Variants in DAB1 observed in about 807,000 individuals in gnomAD.
DAB1 encodes the protein disabled homolog 1.
DAB1 carries 15 observed loss-of-function variants against 64.6 expected under a neutral mutation model. That is an observed-to-expected ratio of 0.23 (90% confidence interval 0.16 to 0.36). The LOEUF is 0.36. Among genes scored for constraint, DAB1 ranks in the 10% least tolerant of loss-of-function variants. DAB1 has a pLI of 1.00. For missense variants in DAB1, 596 were observed against 706.7 expected (o/e 0.84, Z 1.78); for synonymous variants, 235 against 251.9 (o/e 0.93, Z 0.64).
intron 6 of DAB1, among the ~76,000 whole-genome samples, chr1:57,756,974 T>G (rs576610147): frequency 1.3e-5 from 2 of 152,288 alleles, no homozygotes; most frequent in East Asian, 3.9e-4. Flanking sequence ...AGAAGCCTGT[T>G]GCAATAGCAC....
chr1:57,861,360 A>G (rs1237457679), intron 1 of DAB1, among the ~76,000 whole-genome samples: 1 of 152,224 alleles, frequency 6.6e-6, no homozygotes, highest in African/African-American at 2.4e-5. Context: ...TCAGATTCTG[A>G]TGAGGGCCCT....
At chr1:57,669,571 T>G (rs1420508493) in intron 6 of DAB1, among the ~76,000 whole-genome samples, 1 of 152,156 alleles carries the variant, frequency 6.6e-6, no homozygotes, top group Non-Finnish European at 1.5e-5. Context: ...TATGTGAACC[T>G]CACAGCAGGA....
intron 5 of DAB1, among the ~76,000 whole-genome samples, chr1:57,908,528 T>C (rs917732514): frequency 3.9e-5 from 6 of 152,120 alleles, no homozygotes; most frequent in Non-Finnish European, 7.3e-5. Flanking sequence ...CTGACACTAA[T>C]TAGTGGCTTA....
chr1:57,606,400 T>C (rs1420725046), intron 7 of DAB1, among the ~76,000 whole-genome samples: 1 of 115,004 alleles, frequency 8.7e-6, no homozygotes, highest in Non-Finnish European at 1.8e-5. Flanking sequence ...ATACACATTA[T>C]ATTATATATA....
intron 7 of DAB1, among the ~76,000 whole-genome samples, chr1:57,597,072 G>C (rs560543681): frequency 6.6e-6 from 1 of 152,080 alleles, no homozygotes; most frequent in African/African-American, 2.4e-5. Flanking sequence ...CACATCATTC[G>C]CACCAACACC....
chr1:57,984,236 GAAAGAAAGAAAGAAAGAAAGAAAGAAAA>G (rs1557595067), intron 5 of DAB1, among the ~76,000 whole-genome samples: 8 of 146,776 alleles, frequency 5.5e-5, no homozygotes, highest in Non-Finnish European at 1.2e-4. Context: ...AAGAAAGAAA[GAAAGAAAGAAAGAAAGAAAGAAAGAAAA>G]AAAATTAAAC....
intron 4 of DAB1, among the ~76,000 whole-genome samples, chr1:58,247,911 C>G (rs1321104037): frequency 1.3e-5 from 2 of 151,976 alleles, no homozygotes; most frequent in Admixed American, 1.3e-4. Flanking sequence ...CCCCTACCCA[C>G]TCCTTCCTTT....
intron 4 of DAB1, among the ~76,000 whole-genome samples, chr1:57,106,486 T>A (rs1655169754): frequency 6.6e-6 from 1 of 152,126 alleles, no homozygotes; most frequent in Non-Finnish European, 1.5e-5. Flanking sequence ...ATCTTTGATG[T>A]ATGTGGGTCT....
At chr1:58,427,616 G>A (rs1038956305) in intron 3 of DAB1, among the ~76,000 whole-genome samples, 7 of 152,184 alleles carry the variant, frequency 4.6e-5, no homozygotes, top group African/African-American at 1.4e-4. Flanking sequence ...AAAAGAAAAG[G>A]AGAGCCAAGG....
upstream of DAB1, among the ~76,000 whole-genome samples, chr1:57,885,248 C>G (rs943512151): frequency 8.5e-5 from 13 of 152,058 alleles, no homozygotes; most frequent in African/African-American, 3.1e-4. Flanking sequence ...TAACAGCAAA[C>G]CACTGATGTA....
intron 3 of DAB1, among the ~76,000 whole-genome samples, chr1:58,396,242 A>G (rs1644521075): frequency 6.6e-6 from 1 of 152,112 alleles, no homozygotes; most frequent in Non-Finnish European, 1.5e-5. Flanking sequence ...GAGGCCAGCC[A>G]TTCCCAGGGG....
intron 7 of DAB1, among the ~76,000 whole-genome samples, chr1:57,461,314 G>A (rs1570541670): frequency 6.6e-6 from 1 of 152,126 alleles, no homozygotes; most frequent in Admixed American, 6.5e-5. Context: ...CATACATTTG[G>A]TGATGCTCCG....
intron 4 of DAB1, among the ~76,000 whole-genome samples, chr1:57,081,450 C>T (rs1170531664): frequency 1.3e-5 from 2 of 152,096 alleles, no homozygotes; most frequent in Non-Finnish European, 2.9e-5. Context: ...GGAAACACTT[C>T]GAAATCAAGT....
rs59263518 is a variant in DAB1 at position 57,553,442 on chromosome 1, G to GAAAGAAAAAGAAAGAAAGAAAGAA, written n.625+96149_625+96150insTTCTTTCTTTCTTTCTTTTTCTTT. Among the ~76,000 whole-genome samples, 5 of 68,188 alleles carry GAAAGAAAAAGAAAGAAAGAAAGAA rather than the reference G, an allele frequency of 7.3e-5. 1 individual carries two copies. The highest frequency in any genetic ancestry group is 3.2e-4 in the Admixed American group (2 of 6,334). 44.7% of individuals were successfully genotyped at this position (68,188 alleles called of 152,430 possible). On this transcript the variant is annotated intron_variant and non_coding_transcript_variant, in intron 7 of 20. Transcript: ENST00000485760. ...AGAAAGAAAGAAAGAAAGAAAGAAA[G>GAAAGAAAAAGAAAGAAAGAAAGAA]AGAAAGAAAGAAAGAAAGAGAAAGG...
chr1:58,444,746 A>G (rs1404267776), intron 3 of DAB1, among the ~76,000 whole-genome samples: 2 of 152,176 alleles, frequency 1.3e-5, no homozygotes, highest in African/African-American at 4.8e-5. Context: ...AACTATAAAT[A>G]CTGATGAGTA....
chr1:57,867,239 G>A (rs1156756742), intron 1 of DAB1: 2 of 152,250 alleles, frequency 1.3e-5, no homozygotes, highest in East Asian at 3.9e-4. Context: ...ACTCCAACTC[G>A]TGGTGCCAAT....
rs1645618387 is a variant in DAB1, at chr1:56,996,440, C to T, written c.*1704G>A. ...AAATATATAGATTCTTTATGAAAAT[C>T]ATGTGCTAAACATACGAACCAAACA... On this transcript the variant is annotated 3_prime_UTR_variant, in exon 15 of 15. Transcript: ENST00000371236. 1 of 152,172 alleles carries T rather than the reference C, an allele frequency of 6.6e-6. No individual in the cohort carries two copies. Among genetic ancestry groups the T allele is most frequent in the Non-Finnish European group, 1.5e-5 (1 of 68,032 alleles). 9.4% of individuals were successfully genotyped at this position (152,172 alleles called of 1,614,324 possible).
At chr1:58,336,011 G>C (rs1213846921) in intron 4 of DAB1, among the ~76,000 whole-genome samples, 1 of 152,194 alleles carries the variant, frequency 6.6e-6, no homozygotes, top group Non-Finnish European at 1.5e-5. Context: ...ATAGCACTTA[G>C]ATGTGTTTAA....
At chr1:57,606,408 A>C (rs1645638403) in intron 7 of DAB1, among the ~76,000 whole-genome samples, 1 of 128,654 alleles carries the variant, frequency 7.8e-6, no homozygotes, top group African/African-American at 2.8e-5. Flanking sequence ...TATATTATAT[A>C]TATGATATAT....
Sources: allele counts gnomAD v4.1 joint callset (sites outside exome capture counted in the v4.1 genomes callset), GRCh38; gene constraint gnomAD v4.1.1; transcripts MANE v1.5; gene names NCBI Gene and HGNC (gene_info 2026-07-23, HGNC 2026-07-21).